Variants in DNAH5 observed in about 807,000 individuals in gnomAD.
DNAH5 encodes axonemal beta dynein heavy chain 5.
DNAH5 carries 372 observed loss-of-function variants against 518.2 expected under a neutral mutation model. The ratio of observed to expected loss-of-function variants is 0.72; its 90% confidence interval spans 0.66 to 0.78. The LOEUF (loss-of-function observed/expected upper bound fraction) is 0.78. DNAH5 is among the 30% of genes least tolerant of loss of function. The pLI, the probability that DNAH5 is intolerant of heterozygous loss-of-function variation, is 0.00. For synonymous variants in DNAH5, 2,039 were observed against 2,025.9 expected (o/e 1.01, Z -0.17); for missense variants, 5,523 against 5,687.0 (o/e 0.97, Z 0.93).
At chr5:13,904,247 C>T (rs904782991) in intron 12 of DNAH5, among the ~76,000 whole-genome samples, 1 of 150,806 alleles carries the variant, frequency 6.6e-6, no homozygotes, top group Non-Finnish European at 1.5e-5. Context: ...GTAGAAGTAA[C>T]TCTATACTAA....
intron 58 of DNAH5, 114 bp from the exon 59 acceptor site, chr5:13,766,293 G>C: frequency 1.8e-6 from 2 of 1,111,778 alleles, no homozygotes; most frequent in Non-Finnish European, 2.7e-6. Context: ...TTTTAAGTTA[G>C]ATGCAGGCCA....
Position 13,690,708 on chromosome 5 carries a change from C to T in DNAH5, c.*1276G>A, listed in dbSNP as rs769710870. The T allele has an allele frequency of 6.6e-6, 1 of 152,134 alleles. No individual in the cohort carries two copies. Among genetic ancestry groups the T allele is most frequent in the Non-Finnish European group, 1.5e-5 (1 of 68,028 alleles). The allele number at this position is 152,134 out of a possible 1,614,324, so 9.4% of individuals were successfully genotyped here. On this transcript the variant is annotated 3_prime_UTR_variant, in exon 79 of 79. Coordinates refer to ENST00000265104, the MANE Select transcript of DNAH5 (RefSeq NM_001369.3). ...TTTAGTACTGACTATATTTTCTAGT[C>T]AGTAGGTTAGATGAAGAATTATTAA...
At position 13,841,003 on chromosome 5, in the gene DNAH5, A is replaced by G. The variant is rs1287506985; in HGVS notation, c.5612T>C (p.Ile1871Thr). The G allele has an allele frequency of 2.5e-6, 4 of 1,614,172 alleles. No homozygotes were observed. Among genetic ancestry groups the G allele is most frequent in the South Asian group, 2.2e-5 (2 of 91,082 alleles). ...QAFLELLNTLIDVTTRDLSST... is the reference protein window; with the variant it reads ...QAFLELLNTLTDVTTRDLSST... ...ACTCAGATCCCTCGTGGTGACGTCT[A>G]TCAATGTATTGAGTAGCTCCAGGAA... The change falls in exon 34 of 79, where the codon ATA becomes ACA. Residue 1871 changes from isoleucine to threonine, a missense_variant. Physicochemically the swap from Ile to Thr is moderately conservative, Grantham distance 89. This residue lies in a region of DNAH5 where 5,121 missense variants were observed against 5,223.3 expected (regional missense o/e 0.98). Transcript: ENST00000265104.
chr5:13,817,767 T>G, intron 41 of DNAH5, 73 bp from the exon 42 acceptor site: 1 of 1,474,908 alleles, frequency 6.8e-7, no homozygotes, highest in Admixed American at 1.7e-5. Context: ...ATTGCACTAA[T>G]TTGTGGTGTA....
Position 13,922,096 on chromosome 5 carries a change from T to C in DNAH5, c.660+11A>G. On this transcript the variant is annotated intron_variant, in intron 5 of 78. Coordinates refer to ENST00000265104, the MANE Select transcript of DNAH5 (RefSeq NM_001369.3). The stretch of plus-strand genomic sequence containing the variant: ...TGATCATTTTTAAAGGAACAGCTTA[T>C]TCGTCCTCACCTTCTCCTTCAGACT... The C allele has an allele frequency of 1.9e-6, 3 of 1,613,578 alleles. No homozygotes were observed. The highest frequency in any genetic ancestry group is 2.5e-6 in the Non-Finnish European group (3 of 1,179,664).
At position 13,718,889 on chromosome 5, in the gene DNAH5, T is replaced by G. The variant is rs141935657; in HGVS notation, c.12492A>C (p.Thr4164=). The change falls in exon 72 of 79, where the codon ACA becomes ACC. Residue 4164 remains threonine, a synonymous_variant. Coordinates refer to ENST00000265104, the MANE Select transcript of DNAH5 (RefSeq NM_001369.3). ...AAGTATTTCTGGACTCACCACTATATGTTCTTTTCAGTCCTGCCCGGAGTC... is the reference window on the plus strand; with the variant it reads ...AAGTATTTCTGGACTCACCACTATAGGTTCTTTTCAGTCCTGCCCGGAGTC... ...PQGLRAGLKR[T]YSGVSQDLLD... 5.2e-5 allele frequency: 84 copies of G among 1,612,024 alleles called. No homozygotes were observed. The highest frequency in any genetic ancestry group is 6.9e-5 in the Non-Finnish European group (81 of 1,178,178).
intron 30 of DNAH5, among the ~76,000 whole-genome samples, chr5:13,857,323 T>G (rs907522304): frequency 1.3e-5 from 2 of 152,132 alleles, no homozygotes; most frequent in East Asian, 3.9e-4. Context: ...AAGGACCTCT[T>G]CAAGGAGAAC....
At chr5:13,736,494 AAG>A (rs1171885848) in intron 66 of DNAH5, among the ~76,000 whole-genome samples, 4 of 152,076 alleles carry the variant, frequency 2.6e-5, no homozygotes, top group Non-Finnish European at 5.9e-5. Flanking sequence ...TCCTGGGTTT[AAG>A]AGAGTCTCCT....
At chr5:13,889,788 C>T (rs1171744010) in intron 17 of DNAH5, among the ~76,000 whole-genome samples, 1 of 152,116 alleles carries the variant, frequency 6.6e-6, no homozygotes, top group Non-Finnish European at 1.5e-5. Context: ...ATGAAAAAGC[C>T]TGGACAGGGA....
intron 11 of DNAH5, among the ~76,000 whole-genome samples, chr5:13,913,330 G>T (rs1354724937): frequency 6.6e-6 from 1 of 151,896 alleles, no homozygotes; most frequent in Non-Finnish European, 1.5e-5. Context: ...TTTTAATATG[G>T]GTCCAAATAA....
At chr5:13,790,545 G>T (rs1477914366) in intron 50 of DNAH5, among the ~76,000 whole-genome samples, 1 of 152,176 alleles carries the variant, frequency 6.6e-6, no homozygotes. Context: ...CCACAAGGAG[G>T]TAATTGAATC....
intron 16 of DNAH5, among the ~76,000 whole-genome samples, chr5:13,892,310 C>A (rs1008457253): frequency 6.6e-6 from 1 of 152,174 alleles, no homozygotes; most frequent in Non-Finnish European, 1.5e-5. Context: ...CCAAGGATGT[C>A]CACATCCTAA....
intron 1 of DNAH5, among the ~76,000 whole-genome samples, chr5:13,943,307 G>A (rs545783927): frequency 6.6e-5 from 10 of 152,302 alleles, no homozygotes; most frequent in East Asian, 3.9e-4. Context: ...GAGAGAACTC[G>A]CAATCTAGCA....
chr5:13,720,275 G>A (rs903584285), intron 71 of DNAH5, among the ~76,000 whole-genome samples: 50 of 152,120 alleles, frequency 3.3e-4, no homozygotes, highest in Admixed American at 2.3e-3. Flanking sequence ...AACTGACACC[G>A]TCCACAATTC....
Position 13,729,579 on chromosome 5 carries a change from A to C in DNAH5, c.11762-19T>G. ...GCACCTCCTTTAAAATTAAATATTAAATTATCAGATTTCCCTTCCTTCACT... is the reference window on the plus strand; with the variant it reads ...GCACCTCCTTTAAAATTAAATATTACATTATCAGATTTCCCTTCCTTCACT... On this transcript the variant is annotated intron_variant, in intron 68 of 78. Coordinates refer to ENST00000265104, the MANE Select transcript of DNAH5 (RefSeq NM_001369.3). 21 of 1,597,196 alleles carry C rather than the reference A, an allele frequency of 1.3e-5. No homozygotes were observed. Among genetic ancestry groups the C allele is most frequent in the Non-Finnish European group, 1.8e-5 (21 of 1,169,154 alleles).
Position 13,956,570 on chromosome 5 carries a change from G to C in DNAH5, c.13-25326C>G, listed in dbSNP as rs58690439. 8.6e-3 allele frequency among the ~76,000 whole-genome samples: 1,303 copies of C among 152,318 alleles called. 20 individuals are homozygous for C. The highest frequency in any genetic ancestry group is 0.03 in the African/African-American group (1,249 of 41,572). On this transcript the variant is annotated intron_variant, in intron 1 of 78. Coordinates refer to the DNAH5 transcript ENST00000681290. ...GGATATGCAGTAAAAGAACTCATAA[G>C]TAAGTGTAAAAGGCAAATCCCAGCC...
In DNAH5 at chr5:13,876,831, AAGAAG is replaced by A. The variant is rs1225902628; in HGVS notation, c.3263-19_3263-15del. On this transcript the variant is annotated splice_polypyrimidine_tract_variant and intron_variant, in intron 21 of 78. Coordinates refer to ENST00000265104, the MANE Select transcript of DNAH5 (RefSeq NM_001369.3). ...TCTCCAAGGTATCTAAAAAGAAAAA[AAGAAG>A]AGAAAACTTTACACTACTCACACAA... 1.9e-6 allele frequency: 3 copies of A among 1,612,398 alleles called. No homozygotes were observed. The highest frequency in any genetic ancestry group is 4.5e-5 in the East Asian group (2 of 44,866).
At chr5:13,909,305 C>T (rs1190426732) in intron 12 of DNAH5, among the ~76,000 whole-genome samples, 1 of 151,984 alleles carries the variant, frequency 6.6e-6, no homozygotes, top group African/African-American at 2.4e-5. Context: ...AGATGAGCAG[C>T]AATAATAATA....
chr5:13,695,063 C>T (rs937499912), intron 78 of DNAH5, among the ~76,000 whole-genome samples: 3 of 152,158 alleles, frequency 2.0e-5, no homozygotes, highest in African/African-American at 4.8e-5. Flanking sequence ...GTGGCCTCTC[C>T]GCTTCATCTC....
Sources: allele counts gnomAD v4.1 joint callset (sites outside exome capture counted in the v4.1 genomes callset), GRCh38; gene constraint gnomAD v4.1.1; regional missense constraint gnomAD v4.1.1; transcripts MANE v1.5; gene names NCBI Gene and HGNC (gene_info 2026-07-23, HGNC 2026-07-21).